The following HS3ST4 variants were observed in gnomAD, a reference collection of about 807,000 sequenced individuals.
The protein encoded by HS3ST4 is heparan sulfate-glucosamine 3-sulfotransferase 4.
In HS3ST4, 17 loss-of-function variants were observed where a neutral mutation model predicts 29.2. The observed-to-expected ratio is 0.58, with a 90% CI of 0.40 to 0.87. HS3ST4 has a LOEUF of 0.87. Ranked by LOEUF, HS3ST4 falls within the 40% of genes least tolerant of loss-of-function variation. HS3ST4 has a pLI of 0.00. For synonymous variants in HS3ST4, 314 were observed against 285.7 expected (o/e 1.10, Z -1.00); for missense variants, 627 against 634.5 (o/e 0.99, Z 0.13).
chr16:25,715,341 A>C (rs1336351479), intron 1 of HS3ST4, among the ~76,000 whole-genome samples: 11 of 39,308 alleles, frequency 2.8e-4, no homozygotes, highest in South Asian at 1.6e-3. Flanking sequence ...AAAAAAAAAA[A>C]AAAACCAAAA....
intron 1 of HS3ST4, among the ~76,000 whole-genome samples, chr16:26,054,356 T>C (rs2141767628): frequency 6.6e-6 from 1 of 151,332 alleles, no homozygotes; most frequent in East Asian, 1.9e-4. Flanking sequence ...TGCATTAAGA[T>C]TCCTTGTTTT....
intron 1 of HS3ST4, among the ~76,000 whole-genome samples, chr16:25,847,505 A>G (rs757767397): frequency 1.3e-5 from 2 of 152,182 alleles, no homozygotes; most frequent in Admixed American, 6.5e-5. Context: ...ACTTGGTGCA[A>G]TGTCTAGAAT....
intron 1 of HS3ST4, among the ~76,000 whole-genome samples, chr16:25,811,201 A>T (rs1396715918): frequency 6.6e-6 from 1 of 152,140 alleles, no homozygotes; most frequent in Admixed American, 6.5e-5. Context: ...TCAATAAAAC[A>T]CCTGCCTTTC....
intron 1 of HS3ST4, among the ~76,000 whole-genome samples, chr16:25,873,536 ATCTT>A (rs1967790524): frequency 7.6e-6 from 1 of 131,746 alleles, no homozygotes; most frequent in South Asian, 2.6e-4. Flanking sequence ...CTATCTATCT[ATCTT>A]TCTCTATCTA....
chr16:25,986,268 G>T (rs1158023913), intron 1 of HS3ST4, among the ~76,000 whole-genome samples: 1 of 152,096 alleles, frequency 6.6e-6, no homozygotes, highest in African/African-American at 2.4e-5. Flanking sequence ...TTTTATTACT[G>T]CCATATCCCC....
chr16:25,904,995 A>G (rs563350900), intron 1 of HS3ST4, among the ~76,000 whole-genome samples: 1 of 152,326 alleles, frequency 6.6e-6, no homozygotes, highest in South Asian at 2.1e-4. Flanking sequence ...TGAGCTGAGT[A>G]AAGTATGCTT....
At chr16:25,909,789 T>A (rs946073004) in intron 1 of HS3ST4, among the ~76,000 whole-genome samples, 1 of 152,236 alleles carries the variant, frequency 6.6e-6, no homozygotes, top group Non-Finnish European at 1.5e-5. Flanking sequence ...TTTAATGAGA[T>A]CCCTTGGCTT....
chr16:26,071,266 GAGAA>G (rs1898600682), intron 1 of HS3ST4, among the ~76,000 whole-genome samples: 1 of 152,144 alleles, frequency 6.6e-6, no homozygotes, highest in Admixed American at 6.5e-5. Context: ...AGGGGTGAGG[GAGAA>G]AGGGGTCAGG....
intron 1 of HS3ST4, among the ~76,000 whole-genome samples, chr16:25,846,223 A>G (rs1324113839): frequency 3.3e-5 from 5 of 152,208 alleles, no homozygotes; most frequent in African/African-American, 1.2e-4. Flanking sequence ...GTTTATGCCT[A>G]GAATGGAGGT....
At chr16:25,835,956 A>G (rs1298887441) in intron 1 of HS3ST4, among the ~76,000 whole-genome samples, 1 of 152,204 alleles carries the variant, frequency 6.6e-6, no homozygotes, top group Non-Finnish European at 1.5e-5. Flanking sequence ...ATAGGAGACC[A>G]TACTTGGAAA....
chr16:25,765,097 A>G (rs888607560), intron 1 of HS3ST4, among the ~76,000 whole-genome samples: 2 of 152,198 alleles, frequency 1.3e-5, no homozygotes, highest in Admixed American at 6.5e-5. Flanking sequence ...GCGGAGGGAG[A>G]GTCTGTGTGA....
At chr16:25,784,565 C>G (rs1966855678) in intron 1 of HS3ST4, among the ~76,000 whole-genome samples, 1 of 152,146 alleles carries the variant, frequency 6.6e-6, no homozygotes. Flanking sequence ...AAGATCAAAC[C>G]AGCTACAGAA....
intron 1 of HS3ST4, among the ~76,000 whole-genome samples, chr16:26,023,426 G>A (rs1481598629): frequency 6.6e-6 from 1 of 151,674 alleles, no homozygotes; most frequent in Non-Finnish European, 1.5e-5. Flanking sequence ...TTAAGACAGG[G>A]TCTCACTCTG....
chr16:25,876,048 C>A (rs182612632), intron 1 of HS3ST4, among the ~76,000 whole-genome samples: 234 of 152,222 alleles, frequency 1.5e-3, no homozygotes, highest in African/African-American at 5.1e-3. Flanking sequence ...AGGAACATAA[C>A]CTCCACGATG....
At chr16:25,972,420 G>T (rs114240120) in intron 1 of HS3ST4, among the ~76,000 whole-genome samples, 1 of 152,292 alleles carries the variant, frequency 6.6e-6, no homozygotes, top group East Asian at 1.9e-4. Flanking sequence ...AGTTATTTTA[G>T]AGCTTGAAGC....
chr16:26,118,714 G>T (rs77392342), intron 1 of HS3ST4, among the ~76,000 whole-genome samples: 1,647 of 152,266 alleles, frequency 0.011, 23 homozygotes, highest in African/African-American at 0.038. Context: ...AAGATCTGGG[G>T]AAAGATCACT....
intron 1 of HS3ST4, among the ~76,000 whole-genome samples, chr16:25,981,355 A>C (rs1269727985): frequency 2.0e-5 from 3 of 151,844 alleles, no homozygotes; most frequent in African/African-American, 7.3e-5. Context: ...AAAAGAAGGT[A>C]GGTAGTTCAG....
At chr16:25,882,156 CAT>C (rs1967901372) in intron 1 of HS3ST4, among the ~76,000 whole-genome samples, 1 of 152,174 alleles carries the variant, frequency 6.6e-6, no homozygotes, top group Non-Finnish European at 1.5e-5. Context: ...CCTTCTCTTT[CAT>C]GTGCTACAGA....
chr16:25,820,415 C>T (rs951357286), intron 1 of HS3ST4, among the ~76,000 whole-genome samples: 4 of 151,978 alleles, frequency 2.6e-5, no homozygotes, highest in Admixed American at 6.6e-5. Flanking sequence ...TTTTTTAAGG[C>T]AGGGGCTTTC....
Sources: allele counts gnomAD v4.1 joint callset (sites outside exome capture counted in the v4.1 genomes callset), GRCh38; gene constraint gnomAD v4.1.1; transcripts MANE v1.5; gene names NCBI Gene and HGNC (gene_info 2026-07-23, HGNC 2026-07-21).